The following KCNH7 variants were observed in gnomAD, a reference collection of about 807,000 sequenced individuals.
The protein encoded by KCNH7 is voltage-gated inwardly rectifying potassium channel KCNH7.
KCNH7 carries 49 observed loss-of-function variants against 120.8 expected under a neutral mutation model. The ratio of observed to expected loss-of-function variants is 0.41; its 90% CI spans 0.32 to 0.51. KCNH7 has a LOEUF of 0.51. Among genes scored for constraint, KCNH7 ranks in the 20% least tolerant of loss-of-function variants. The pLI, the probability that KCNH7 is intolerant of heterozygous loss-of-function variation, is 0.38. For missense variants in KCNH7, 1,097 were observed against 1,446.6 expected, an observed-to-expected ratio of 0.76 and a Z score of 3.92; for synonymous variants, 547 against 516.1, an observed-to-expected ratio of 1.06 and a Z score of -0.81.
intron 2 of KCNH7, among the ~76,000 whole-genome samples, chr2:162,603,045 A>G (rs1296875031): frequency 6.6e-6 from 1 of 151,728 alleles, no homozygotes; most frequent in Non-Finnish European, 1.5e-5. Flanking sequence ...CCAGCATCAT[A>G]CTGAGGAGAT....
intron 2 of KCNH7, among the ~76,000 whole-genome samples, chr2:162,679,363 T>C (rs531610498): frequency 1.3e-5 from 2 of 151,828 alleles, no homozygotes; most frequent in East Asian, 3.9e-4. Flanking sequence ...GTGTATTTAA[T>C]AATAGAGTAG....
chr2:162,468,761 A>C (rs1330609364), intron 6 of KCNH7, among the ~76,000 whole-genome samples: 1 of 151,696 alleles, frequency 6.6e-6, no homozygotes. Context: ...ACCTCCCAGG[A>C]TGGTCTCGAT....
intron 2 of KCNH7, among the ~76,000 whole-genome samples, chr2:162,567,527 T>C (rs1353703516): frequency 2.0e-5 from 3 of 152,016 alleles, no homozygotes; most frequent in Non-Finnish European, 2.9e-5. Flanking sequence ...AAAGCAAGTA[T>C]GGCTTCAGTA....
chr2:162,409,686 A>G (rs868052098), intron 9 of KCNH7, among the ~76,000 whole-genome samples: 18 of 151,968 alleles, frequency 1.2e-4, no homozygotes, highest in Admixed American at 4.6e-4. Flanking sequence ...AAAATGCTAT[A>G]CACTCCAACA....
At chr2:162,814,326 T>G (rs1297816071) in intron 2 of KCNH7, among the ~76,000 whole-genome samples, 2 of 152,188 alleles carry the variant, frequency 1.3e-5, no homozygotes, top group African/African-American at 2.4e-5. Flanking sequence ...CTGCAGCATT[T>G]CATCTTTAGA....
At chr2:162,571,845 G>T (rs1242538401) in intron 2 of KCNH7, among the ~76,000 whole-genome samples, 2 of 151,572 alleles carry the variant, frequency 1.3e-5, no homozygotes, top group African/African-American at 2.4e-5. Context: ...CTAGCCATAT[G>T]TAGAAAGCTG....
chr2:162,692,959 G>A (rs947751864), intron 2 of KCNH7, among the ~76,000 whole-genome samples: 2 of 152,004 alleles, frequency 1.3e-5, no homozygotes, highest in Non-Finnish European at 2.9e-5. Context: ...AAAAACTAAA[G>A]TAAATAAAGG....
intron 2 of KCNH7, among the ~76,000 whole-genome samples, chr2:162,730,819 C>A (rs182636304): frequency 6.6e-6 from 1 of 151,840 alleles, no homozygotes. Flanking sequence ...CAAAAATCTT[C>A]AACAAAATTA....
intron 5 of KCNH7, among the ~76,000 whole-genome samples, chr2:162,506,509 C>T (rs1391012544): frequency 6.6e-6 from 1 of 151,702 alleles, no homozygotes; most frequent in African/African-American, 2.4e-5. Context: ...TATTTTCAAT[C>T]CTTAGGTTAT....
intron 2 of KCNH7, among the ~76,000 whole-genome samples, chr2:162,633,665 C>A (rs987810855): frequency 5.3e-5 from 8 of 151,772 alleles, no homozygotes; most frequent in African/African-American, 1.9e-4. Context: ...TGCAGGTGAC[C>A]CTTTTTCTAT....
At chr2:162,618,097 T>C (rs971366487) in intron 2 of KCNH7, among the ~76,000 whole-genome samples, 14 of 151,988 alleles carry the variant, frequency 9.2e-5, no homozygotes, top group African/African-American at 3.1e-4. Context: ...ATATTATTAA[T>C]TTATCCTCTC....
intron 6 of KCNH7, among the ~76,000 whole-genome samples, chr2:162,471,164 A>C (rs1689511652): frequency 6.6e-6 from 1 of 151,716 alleles, no homozygotes; most frequent in Non-Finnish European, 1.5e-5. Context: ...TCACTTGTTT[A>C]TCTGCTGACC....
intron 2 of KCNH7, among the ~76,000 whole-genome samples, chr2:162,685,421 C>T (rs1685855242): frequency 6.6e-6 from 1 of 152,042 alleles, no homozygotes; most frequent in Non-Finnish European, 1.5e-5. Context: ...ACAATTAGAA[C>T]ATTGGTATAG....
At chr2:162,551,457 A>G (rs562950539) in intron 2 of KCNH7, among the ~76,000 whole-genome samples, 1 of 152,314 alleles carries the variant, frequency 6.6e-6, no homozygotes, top group South Asian at 2.1e-4. Flanking sequence ...GTTCAGCTGT[A>G]AAGTAAAAAC....
chr2:162,726,148 T>A (rs887668845), intron 2 of KCNH7, among the ~76,000 whole-genome samples: 3 of 152,194 alleles, frequency 2.0e-5, no homozygotes, highest in African/African-American at 7.2e-5. Flanking sequence ...ATAATTTTGA[T>A]CTATACACTA....
chr2:162,761,564 C>CA (rs1688967266), intron 2 of KCNH7, among the ~76,000 whole-genome samples: 1 of 152,070 alleles, frequency 6.6e-6, no homozygotes. Flanking sequence ...TTCTACTAAG[C>CA]ACTTTGAACA....
At chr2:162,835,518 A>G (rs1040811928) in intron 2 of KCNH7, among the ~76,000 whole-genome samples, 1 of 152,028 alleles carries the variant, frequency 6.6e-6, no homozygotes, top group Non-Finnish European at 1.5e-5. Flanking sequence ...ATAAAAAGAA[A>G]TAGATGATGA....
intron 2 of KCNH7, among the ~76,000 whole-genome samples, chr2:162,806,952 T>C (rs921027698): frequency 3.3e-5 from 5 of 152,132 alleles, no homozygotes; most frequent in African/African-American, 7.2e-5. Context: ...TAAACAGTTA[T>C]GTTGGAAATC....
chr2:162,400,990 C>A (rs1394283896), intron 9 of KCNH7, among the ~76,000 whole-genome samples: 5 of 151,788 alleles, frequency 3.3e-5, no homozygotes, highest in Non-Finnish European at 7.4e-5. Context: ...GTTTCATATG[C>A]ACATTATTAA....
Sources: gnomAD v4.1 joint callset for allele counts (sites outside exome capture counted in the v4.1 genomes callset) on GRCh38, gnomAD v4.1.1 for gene constraint, MANE v1.5 for transcripts, NCBI Gene and HGNC (gene_info 2026-07-23, HGNC 2026-07-21) for gene names.